Variants in JARID2 observed in about 807,000 individuals in gnomAD.
The protein encoded by JARID2 is protein Jumonji.
JARID2 carries 21 observed loss-of-function variants against 125.6 expected under a neutral mutation model. The observed-to-expected ratio is 0.17, with a 90% CI of 0.12 to 0.24. The LOEUF (loss-of-function observed/expected upper bound fraction) is 0.24. JARID2 is among the 10% of genes least tolerant of loss of function. The probability of loss-of-function intolerance (pLI) is 1.00; values close to 1 mark genes in which losing one functional copy is unlikely to be tolerated. For synonymous variants in JARID2, 736 were observed against 661.6 expected, an observed-to-expected ratio of 1.11 and a Z score of -1.73; for missense variants, 1,303 against 1,639.6, an observed-to-expected ratio of 0.79 and a Z score of 3.55.
chr6:15,444,271 C>A (rs1038182336), intron 3 of JARID2, among the ~76,000 whole-genome samples: 1 of 152,138 alleles, frequency 6.6e-6, no homozygotes. Flanking sequence ...GTGGACCTTG[C>A]GCTTAGAAGG....
At chr6:15,409,883 T>G (rs191065760) in intron 2 of JARID2, among the ~76,000 whole-genome samples, 6 of 152,348 alleles carry the variant, frequency 3.9e-5, no homozygotes, top group Admixed American at 2.0e-4. Context: ...GTGACTAGTT[T>G]GATAACAGAT....
chr6:15,514,721 C>G (rs1048042606), intron 16 of JARID2, among the ~76,000 whole-genome samples: 1 of 152,156 alleles, frequency 6.6e-6, no homozygotes, highest in African/African-American at 2.4e-5. Context: ...ACGCAAATCA[C>G]ATTGTATCAG....
intron 1 of JARID2, among the ~76,000 whole-genome samples, chr6:15,274,062 G>A (rs1399004519): frequency 6.6e-6 from 1 of 151,988 alleles, no homozygotes; most frequent in African/African-American, 2.4e-5. Flanking sequence ...CGGAGTAGAT[G>A]GGACTATAGG....
chr6:15,323,106 A>T (rs1469481571), intron 1 of JARID2, among the ~76,000 whole-genome samples: 1 of 152,210 alleles, frequency 6.6e-6, no homozygotes, highest in Non-Finnish European at 1.5e-5. Flanking sequence ...TTCCTGACAC[A>T]TTCATTCTGG....
chr6:15,401,536 C>T (rs1435988901), intron 2 of JARID2, among the ~76,000 whole-genome samples: 1 of 152,166 alleles, frequency 6.6e-6, no homozygotes, highest in Non-Finnish European at 1.5e-5. Flanking sequence ...AGCATGTTTG[C>T]TTTCATTTCC....
intron 8 of JARID2, among the ~76,000 whole-genome samples, chr6:15,502,290 C>T (rs1355056767): frequency 2.0e-5 from 3 of 152,250 alleles, no homozygotes; most frequent in African/African-American, 7.2e-5. Flanking sequence ...CCTTCTCCAG[C>T]CTGCCAGTGG....
intron 1 of JARID2, among the ~76,000 whole-genome samples, chr6:15,262,942 C>A (rs1759939023): frequency 6.6e-6 from 1 of 152,150 alleles, no homozygotes; most frequent in Non-Finnish European, 1.5e-5. Flanking sequence ...ATACGTATTA[C>A]TACTAAATTT....
chr6:15,517,275 C>A lies in JARID2; in HGVS notation c.3558+7C>A. ...GATGTACCGCTACGATGAGGTCAGT[C>A]CCTGCCCGCGGGGTAGGGCAGGGCG... is the stretch of plus-strand genomic sequence containing the variant. On this transcript the variant is annotated splice_region_variant and intron_variant, in intron 17 of 17. Transcript: ENST00000341776. The A allele has an allele frequency of 1.2e-6, 2 of 1,603,036 alleles. No homozygotes were observed. The highest frequency in any genetic ancestry group is 1.7e-6 in the Non-Finnish European group (2 of 1,169,964).
At chr6:15,364,186 C>A (rs1426233345) in intron 1 of JARID2, among the ~76,000 whole-genome samples, 1 of 152,102 alleles carries the variant, frequency 6.6e-6, no homozygotes, top group Non-Finnish European at 1.5e-5. Flanking sequence ...ATAAAATGAT[C>A]CCCCAGCAGT....
chr6:15,291,487 G>GT (rs758317775), intron 1 of JARID2, among the ~76,000 whole-genome samples: 8 of 152,170 alleles, frequency 5.3e-5, no homozygotes, highest in Non-Finnish European at 1.0e-4. Flanking sequence ...CTCAGCCTGC[G>GT]TCAGGCTTGA....
intron 12 of JARID2, chr6:15,509,173 T>C: frequency 7.8e-7 from 1 of 1,282,650 alleles, no homozygotes; most frequent in Non-Finnish European, 1.0e-6. Flanking sequence ...TAATCCTGAC[T>C]CTCACTGCAC....
intron 3 of JARID2, among the ~76,000 whole-genome samples, chr6:15,410,937 C>G (rs1406656887): frequency 6.6e-6 from 1 of 152,122 alleles, no homozygotes. Flanking sequence ...AGGAAGTTGG[C>G]TTTAGTAGTT....
In JARID2 at chr6:15,520,204, C is replaced by T. The variant is rs199675014; in HGVS notation, c.3694C>T (p.Arg1232Cys). The T allele has an allele frequency of 1.1e-4, 175 of 1,613,526 alleles. 1 individual carries two copies. Among genetic ancestry groups the T allele is most frequent in the Admixed American group, 6.2e-4 (37 of 59,934 alleles). ...AGCGACAGTGGACGTGCCCCCCTCCCGTCTGTCAGCCTCCAGTTCATCCAA... is the reference window on the plus strand; with the variant it reads ...AGCGACAGTGGACGTGCCCCCCTCCTGTCTGTCAGCCTCCAGTTCATCCAA... ...KRATVDVPPS[R>C]LSASSSSKSA... The change falls in exon 18 of 18, where the codon CGT (arginine) becomes TGT (cysteine). Residue 1232 changes from arginine to cysteine, a missense_variant. By Grantham distance (180) the Arg-to-Cys change is radical (BLOSUM62 -3). This residue lies in a region of JARID2 where 75 missense variants were observed against 66.0 expected (regional missense o/e 1.14). Transcript: ENST00000341776.
chr6:15,512,192 G>A lies in JARID2; in HGVS notation c.2953-16G>A. The A allele has an allele frequency of 4.3e-6, 7 of 1,610,738 alleles. No individual in the cohort carries two copies. The highest frequency in any genetic ancestry group is 5.1e-6 in the Non-Finnish European group (6 of 1,177,744). Reference sequence around the variant, plus strand: ...CGCACAGGGAGGGGTGCCTCAGCCTGGCCCTGTCTCCCCAGATCTCCCCGG... The same window carrying A: ...CGCACAGGGAGGGGTGCCTCAGCCTAGCCCTGTCTCCCCAGATCTCCCCGG... On this transcript the variant is annotated splice_polypyrimidine_tract_variant and intron_variant, in intron 13 of 17. Transcript: ENST00000341776.
intron 2 of JARID2, among the ~76,000 whole-genome samples, chr6:15,387,907 C>A (rs1011886097): frequency 6.6e-6 from 1 of 152,126 alleles, no homozygotes; most frequent in Non-Finnish European, 1.5e-5. Context: ...ATCTGTTTAA[C>A]AGTAATTCAT....
chr6:15,362,448 T>C (rs1763831975), intron 1 of JARID2, among the ~76,000 whole-genome samples: 1 of 152,240 alleles, frequency 6.6e-6, no homozygotes, highest in African/African-American at 2.4e-5. Context: ...ACCGTAGCAT[T>C]ACTGTTGAAG....
intron 1 of JARID2, among the ~76,000 whole-genome samples, chr6:15,350,448 A>T (rs960974242): frequency 2.6e-5 from 4 of 152,174 alleles, no homozygotes; most frequent in Non-Finnish European, 5.9e-5. Context: ...CTTCATTAGT[A>T]ACACGGAGAC....
intron 1 of JARID2, among the ~76,000 whole-genome samples, chr6:15,362,936 G>A (rs1012648753): frequency 7.2e-5 from 11 of 152,096 alleles, no homozygotes; most frequent in African/African-American, 2.4e-4. Flanking sequence ...GTCCAGTTTC[G>A]GTTTCTAGAC....
intron 3 of JARID2, among the ~76,000 whole-genome samples, chr6:15,434,486 A>T (rs1166340130): frequency 1.3e-5 from 2 of 152,188 alleles, no homozygotes; most frequent in African/African-American, 4.8e-5. Flanking sequence ...AACCACTGTG[A>T]AATGTGGAAG....
Sources: allele counts gnomAD v4.1 joint callset (sites outside exome capture counted in the v4.1 genomes callset), GRCh38; gene constraint gnomAD v4.1.1; regional missense constraint gnomAD v4.1.1; transcripts MANE v1.5; gene names NCBI Gene and HGNC (gene_info 2026-07-23, HGNC 2026-07-21).